Variants in GMPS observed in about 807,000 individuals in gnomAD.
The protein encoded by GMPS is GMP synthase [glutamine-hydrolyzing].
GMPS carries 15 observed loss-of-function variants against 77.9 expected under a neutral mutation model. That is an observed-to-expected ratio of 0.19 (90% CI 0.13 to 0.30). GMPS has a LOEUF of 0.30. Among genes scored for constraint, GMPS ranks in the 10% least tolerant of loss-of-function variants. GMPS has a pLI of 1.00. For synonymous variants in GMPS, 224 were observed against 275.9 expected (o/e 0.81, Z 1.86); for missense variants, 590 against 838.8 (o/e 0.70, Z 3.66).
At chr3:155,915,494 A>G (rs1212532227) in intron 8 of GMPS, among the ~76,000 whole-genome samples, 3 of 151,608 alleles carry the variant, frequency 2.0e-5, no homozygotes, top group East Asian at 1.9e-4. Context: ...CTTTGCCTCC[A>G]GGGTTCAAGC....
intron 3 of GMPS, among the ~76,000 whole-genome samples, chr3:155,901,927 C>T (rs1643975137): frequency 6.6e-6 from 1 of 152,108 alleles, no homozygotes; most frequent in Admixed American, 6.5e-5. Flanking sequence ...TTTCACTTGG[C>T]TTCTTTATAT....
chr3:155,919,228 T>C lies in GMPS; in HGVS notation c.1213-5T>C, dbSNP rs866020877. The C allele has an allele frequency of 4.9e-6, 7 of 1,428,748 alleles. No homozygotes were observed. The highest frequency in any genetic ancestry group is 1.7e-4 in the Middle Eastern group (1 of 5,776). 88.5% of individuals were successfully genotyped at this position (1,428,748 alleles called of 1,614,324 possible). On this transcript the variant is annotated splice_region_variant and splice_polypyrimidine_tract_variant and intron_variant, in intron 9 of 15. Transcript: ENST00000496455. ...TATATTGGTTGGCTTCTTTCCTCCC[T>C]GTAGGGAAAAGTAATAGAACCTCTG...
At chr3:155,871,603 G>C (rs1348619537) in intron 1 of GMPS, among the ~76,000 whole-genome samples, 2 of 152,250 alleles carry the variant, frequency 1.3e-5, no homozygotes, top group Non-Finnish European at 2.9e-5. Context: ...CCTTCTCAGA[G>C]AGGAAAGGGT....
intron 1 of GMPS, among the ~76,000 whole-genome samples, chr3:155,874,191 CA>C (rs1753974475): frequency 6.6e-6 from 1 of 152,132 alleles, no homozygotes. Flanking sequence ...GCAGCATTAT[CA>C]GAGTAATGCT....
At chr3:155,906,284 G>A in intron 5 of GMPS, 21 bp downstream of exon 5, 1 of 1,494,824 alleles carries the variant, frequency 6.7e-7, no homozygotes, top group Non-Finnish European at 9.3e-7. Flanking sequence ...TAAAAATTTT[G>A]CAGAGTTCAT....
intron 1 of GMPS, among the ~76,000 whole-genome samples, chr3:155,874,756 G>A (rs1753994814): frequency 6.6e-6 from 1 of 152,110 alleles, no homozygotes; most frequent in Non-Finnish European, 1.5e-5. Flanking sequence ...GTATAGACTT[G>A]TCTTATACTT....
chr3:155,936,924 C>T (rs1755779523), intron 15 of GMPS, among the ~76,000 whole-genome samples: 1 of 152,152 alleles, frequency 6.6e-6, no homozygotes, highest in Admixed American at 6.5e-5. Context: ...AATTTTTGAT[C>T]CTTCTTTGTC....
intron 2 of GMPS, 77 bp from the exon 3 acceptor site, chr3:155,897,850 T>C (rs1577511297): frequency 2.7e-6 from 2 of 741,332 alleles, no homozygotes; most frequent in East Asian, 5.0e-5. Flanking sequence ...TTTCCCTCAG[T>C]GGTACAAGGG....
In GMPS at chr3:155,937,750, C is replaced by A; in HGVS notation, c.*58C>A. The A allele has an allele frequency of 1.2e-6, 1 of 807,226 alleles. No individual in the cohort carries two copies. Among genetic ancestry groups the A allele is most frequent in the Non-Finnish European group, 2.2e-6 (1 of 460,294 alleles). 50.0% of individuals were successfully genotyped at this position (807,226 alleles called of 1,614,324 possible). ...AGTTTAAATTGATTAGAAATCATTC[C>A]CATTATTGACATGCAGTACTGTGAA... On this transcript the variant is annotated 3_prime_UTR_variant, in exon 16 of 16. Coordinates refer to ENST00000496455, the MANE Select transcript of GMPS (RefSeq NM_003875.3).
chr3:155,891,604 CTT>C (rs35759331), intron 1 of GMPS, among the ~76,000 whole-genome samples: 13 of 127,850 alleles, frequency 1.0e-4, no homozygotes, highest in East Asian at 2.3e-4. Flanking sequence ...TTGTTTGTTA[CTT>C]TTTTTTTTTT....
At chr3:155,907,849 A>G (rs1754931589) in intron 5 of GMPS, among the ~76,000 whole-genome samples, 2 of 152,204 alleles carry the variant, frequency 1.3e-5, no homozygotes, top group Admixed American at 1.3e-4. Context: ...ATTTGGGGAA[A>G]GAGGAAACAG....
rs551673584 is a variant in GMPS at position 155,910,020 on chromosome 3, G to A, written c.527-672G>A. Among the ~76,000 whole-genome samples, 8 of 152,004 alleles carry A rather than the reference G, an allele frequency of 5.3e-5. No individual in the cohort carries two copies. In the East Asian group the frequency reaches 5.8e-4, roughly 11 times the overall value. On this transcript the variant is annotated intron_variant, in intron 5 of 15. Transcript: ENST00000496455. The stretch of plus-strand genomic sequence containing the variant: ...AGCACTTTGGGAGGCTGAGATGGGC[G>A]GATTACAAGGTCAGGAGATCAAGAC...
intron 1 of GMPS, among the ~76,000 whole-genome samples, chr3:155,885,878 T>C (rs1427436122): frequency 6.6e-6 from 1 of 152,238 alleles, no homozygotes; most frequent in East Asian, 1.9e-4. Context: ...TGGAGTGCAG[T>C]GGCATGATCT....
rs187323110 is a variant in GMPS at position 155,926,170 on chromosome 3, C to G, written c.1560+804C>G. Reference sequence around the variant, plus strand: ...GGGACTACAGGCAAGCACCATCATGCCTGGCTAATTTTTAAATTTTTTTGT... The same window carrying G: ...GGGACTACAGGCAAGCACCATCATGGCTGGCTAATTTTTAAATTTTTTTGT... On this transcript the variant is annotated intron_variant, in intron 12 of 15. Transcript: ENST00000496455. Among the ~76,000 whole-genome samples, 56 of 152,136 alleles carry G rather than the reference C, an allele frequency of 3.7e-4. 1 individual carries two copies. The highest frequency in any genetic ancestry group is 3.5e-3 in the South Asian group (17 of 4,816).
intron 5 of GMPS, among the ~76,000 whole-genome samples, chr3:155,908,548 C>T (rs1330572134): frequency 1.3e-5 from 2 of 152,094 alleles, no homozygotes; most frequent in African/African-American, 4.8e-5. Context: ...TAGAAGTTGT[C>T]AGGACTAGGG....
chr3:155,891,147 GAAATTTGAGCC>G (rs937741627), intron 1 of GMPS, among the ~76,000 whole-genome samples: 4 of 152,184 alleles, frequency 2.6e-5, no homozygotes, highest in Non-Finnish European at 4.4e-5. Flanking sequence ...TATGATAACT[GAAATTTGAGCC>G]ATGTTGTTGG....
intron 8 of GMPS, among the ~76,000 whole-genome samples, chr3:155,915,362 C>T (rs1030536685): frequency 4.1e-4 from 62 of 150,626 alleles, no homozygotes; most frequent in Admixed American, 2.1e-3. Flanking sequence ...CTCAGCCTCC[C>T]GAGTAGCTGG....
intron 3 of GMPS, among the ~76,000 whole-genome samples, chr3:155,900,720 T>A (rs1754715192): frequency 6.6e-6 from 1 of 152,186 alleles, no homozygotes; most frequent in South Asian, 2.1e-4. Context: ...TGCATAACAA[T>A]TTTTGCCTTT....
chr3:155,887,073 T>A (rs904132228), intron 1 of GMPS, among the ~76,000 whole-genome samples: 2 of 152,214 alleles, frequency 1.3e-5, no homozygotes, highest in South Asian at 2.1e-4. Context: ...ACTTGGCAAG[T>A]TTGAAATGAT....
Sources: allele counts gnomAD v4.1 joint callset (sites outside exome capture counted in the v4.1 genomes callset), GRCh38; gene constraint gnomAD v4.1.1; transcripts MANE v1.5; gene names NCBI Gene and HGNC (gene_info 2026-07-23, HGNC 2026-07-21).